Variants in CACNB2 observed in about 807,000 individuals in gnomAD.
The protein encoded by CACNB2 is calcium voltage-gated channel auxiliary subunit beta 2.
Under a neutral mutation model 73.3 loss-of-function variants are expected in CACNB2, and 42 were observed. The ratio of observed to expected loss-of-function variants is 0.57; its 90% CI spans 0.45 to 0.74. The LOEUF (loss-of-function observed/expected upper bound fraction) is 0.74, where lower values mean the gene tolerates loss of function less well. Among genes scored for constraint, CACNB2 ranks in the 30% least tolerant of loss-of-function variants. CACNB2 has a pLI of 0.00. For synonymous variants in CACNB2, 348 were observed against 310.3 expected (o/e 1.12, Z -1.28); for missense variants, 940 against 853.0 (o/e 1.10, Z -1.27).
chr10:18,533,995 C>G, intron 10 of CACNB2, 81 bp from the exon 11 acceptor site: 1 of 1,381,140 alleles, frequency 7.2e-7, no homozygotes, highest in African/African-American at 1.4e-5. Flanking sequence ...ACCTACTCAC[C>G]TTTCTGTTGA....
At chr10:18,392,007 G>A (rs557328268) in intron 2 of CACNB2, among the ~76,000 whole-genome samples, 7 of 151,488 alleles carry the variant, frequency 4.6e-5, no homozygotes, top group African/African-American at 1.5e-4. Context: ...AAATACCGCT[G>A]CAATCAATGG....
chr10:18,231,070 T>C (rs1278497469), intron 2 of CACNB2, among the ~76,000 whole-genome samples: 2 of 152,220 alleles, frequency 1.3e-5, no homozygotes. Context: ...CAGAAAGAAG[T>C]AGCCCTGGCT....
chr10:18,246,723 G>A (rs990983074), intron 2 of CACNB2, among the ~76,000 whole-genome samples: 1 of 152,138 alleles, frequency 6.6e-6, no homozygotes, highest in Non-Finnish European at 1.5e-5. Context: ...TGGGAATACA[G>A]GCATGCACCA....
intron 1 of CACNB2, 67 bp downstream of exon 1, chr10:18,140,923 T>A (rs941891378): frequency 2.6e-6 from 4 of 1,544,066 alleles, no homozygotes; most frequent in African/African-American, 2.7e-5. Flanking sequence ...CCTCGGGTTC[T>A]CCCGGCGCCT....
intron 2 of CACNB2, among the ~76,000 whole-genome samples, chr10:18,185,030 A>C (rs183500902): frequency 6.6e-6 from 1 of 152,150 alleles, no homozygotes; most frequent in East Asian, 1.9e-4. Context: ...GTAGCAACAG[A>C]ATCCCACTAT....
chr10:18,246,826 G>A (rs1242085949), intron 2 of CACNB2, among the ~76,000 whole-genome samples: 1 of 152,104 alleles, frequency 6.6e-6, no homozygotes, highest in Non-Finnish European at 1.5e-5. Flanking sequence ...TGCCCAGGCT[G>A]TTCTCGAACT....
Position 18,225,158 on chromosome 10 carries a change from A to G in CACNB2, c.213+74183A>G, listed in dbSNP as rs78477605. Among the ~76,000 whole-genome samples the G allele has an allele frequency of 4.0e-3, 606 of 150,026 alleles. 6 individuals are homozygous for G. The East Asian group carries it at 0.044, about 11-fold the overall frequency. On this transcript the variant is annotated intron_variant, in intron 2 of 13. Coordinates refer to ENST00000324631, the MANE Select transcript of CACNB2 (RefSeq NM_201596.3). Reference sequence around the variant, plus strand: ...AAGCTTTTTTTTTTTAAAGTGATCTATTGTATTTTTCCATGTTCTGTTGAG... The same window carrying G: ...AAGCTTTTTTTTTTTAAAGTGATCTGTTGTATTTTTCCATGTTCTGTTGAG...
chr10:18,441,729 G>A (rs1158583934), intron 3 of CACNB2, among the ~76,000 whole-genome samples: 3 of 152,016 alleles, frequency 2.0e-5, no homozygotes, highest in African/African-American at 7.3e-5. Context: ...TGATCTCCTG[G>A]GTTCAAGCCA....
At chr10:18,270,845 C>T (rs1388833293) in intron 2 of CACNB2, among the ~76,000 whole-genome samples, 2 of 152,122 alleles carry the variant, frequency 1.3e-5, no homozygotes, top group Non-Finnish European at 2.9e-5. Context: ...ATCTCTGTTG[C>T]CCAGCAAGAA....
At chr10:18,211,288 A>T (rs1350670387) in intron 2 of CACNB2, among the ~76,000 whole-genome samples, 1 of 152,160 alleles carries the variant, frequency 6.6e-6, no homozygotes, top group Non-Finnish European at 1.5e-5. Context: ...AGGCTTGGAC[A>T]TTGCCATTGT....
At chr10:18,445,081 G>A (rs2046666487) in intron 3 of CACNB2, among the ~76,000 whole-genome samples, 1 of 152,134 alleles carries the variant, frequency 6.6e-6, no homozygotes, top group African/African-American at 2.4e-5. Flanking sequence ...CCTACCACAA[G>A]TATCTAATAC....
intron 2 of CACNB2, among the ~76,000 whole-genome samples, chr10:18,191,017 G>A (rs1331321193): frequency 6.6e-6 from 1 of 152,234 alleles, no homozygotes; most frequent in African/African-American, 2.4e-5. Flanking sequence ...CGCAAGCTGT[G>A]AATAGGCTGC....
chr10:18,325,356 AT>A (rs911600245), intron 2 of CACNB2, among the ~76,000 whole-genome samples: 123 of 150,674 alleles, frequency 8.2e-4, no homozygotes, highest in African/African-American at 2.7e-3. Context: ...TGCCCAGCTA[AT>A]TTTTTTTTTA....
chr10:18,513,062 G>T, intron 6 of CACNB2: 1 of 157,690 alleles, frequency 6.3e-6, no homozygotes, highest in South Asian at 1.8e-4. Context: ...AGCTATAGTG[G>T]ATCACACCGG....
intron 2 of CACNB2, among the ~76,000 whole-genome samples, chr10:18,305,414 T>A (rs1242626971): frequency 6.6e-6 from 1 of 152,192 alleles, no homozygotes; most frequent in Non-Finnish European, 1.5e-5. Context: ...GCTGTTGAAG[T>A]GGAGATTTGG....
intron 3 of CACNB2, among the ~76,000 whole-genome samples, chr10:18,442,969 T>A (rs1205090077): frequency 1.6e-4 from 3 of 18,942 alleles, no homozygotes; most frequent in African/African-American, 8.1e-4. Context: ...TATATATATA[T>A]GTGTATATAT....
At chr10:18,498,310 G>C in intron 3 of CACNB2, 45 bp from the exon 4 acceptor site, 1 of 1,612,106 alleles carries the variant, frequency 6.2e-7, no homozygotes, top group South Asian at 1.1e-5. Flanking sequence ...GAGGGACAGT[G>C]TTGTTTTGCT....
chr10:18,220,178 T>G, intron 2 of CACNB2, among the ~76,000 whole-genome samples: 1 of 73,990 alleles, frequency 1.4e-5, no homozygotes, highest in Non-Finnish European at 2.3e-5. Context: ...CACACATACA[T>G]ATATATACAT....
intron 2 of CACNB2, among the ~76,000 whole-genome samples, chr10:18,363,554 C>A (rs1211544844): frequency 6.6e-6 from 1 of 152,186 alleles, no homozygotes; most frequent in Non-Finnish European, 1.5e-5. Context: ...CAGCATGAAA[C>A]TACCAGTACC....
Sources: allele counts gnomAD v4.1 joint callset (sites outside exome capture counted in the v4.1 genomes callset), GRCh38; gene constraint gnomAD v4.1.1; transcripts MANE v1.5; gene names NCBI Gene and HGNC (gene_info 2026-07-23, HGNC 2026-07-21).